Variants in LPL observed in about 807,000 individuals in gnomAD.
LPL encodes lipoprotein lipase.
A neutral mutation model predicts 52.2 loss-of-function variants in LPL; 43 were observed. The ratio of observed to expected loss-of-function variants is 0.82; its 90% CI spans 0.64 to 1.06. LPL has a LOEUF of 1.06. Ranked by LOEUF, LPL falls within the 50% of genes least tolerant of loss-of-function variation. The pLI is 0.00. For missense variants in LPL, 639 were observed against 585.3 expected (o/e 1.09, Z -0.95); for synonymous variants, 244 against 215.6 (o/e 1.13, Z -1.15).
intron 6 of LPL, among the ~76,000 whole-genome samples, chr8:19,956,304 G>C (rs959543173): frequency 2.0e-5 from 3 of 152,170 alleles, no homozygotes; most frequent in African/African-American, 7.2e-5. Context: ...TGTGGGATTT[G>C]CAGCCTTGCT....
At position 19,939,599 on chromosome 8, in the gene LPL, T is replaced by G. The variant is rs2069812863; in HGVS notation, c.88+71T>G. ...TGGCCACTGCCACCCGAACTGAGGA[T>G]GAGAAGAAGGAAGTTGGAAGGGGCG... is the stretch of plus-strand genomic sequence containing the variant. On this transcript the variant is annotated intron_variant, in intron 1 of 9. Transcript: ENST00000650287. This position sits in a 1 kb window ranked among gnomAD's most constrained non-coding sequence, Gnocchi z 4.0. 2.0e-6 allele frequency: 3 copies of G among 1,479,456 alleles called. No homozygotes were observed. Among genetic ancestry groups the G allele is most frequent in the Non-Finnish European group, 2.8e-6 (3 of 1,085,656 alleles). The allele number at this position is 1,479,456 out of a possible 1,614,324, so 91.6% of individuals were successfully genotyped here. A position where few individuals can be genotyped will look rare whatever the true frequency, so the allele number is the denominator to read the frequency against.
Position 19,960,881 on chromosome 8 carries a change from T to G in LPL, c.1140-20T>G. 1 of 1,606,148 alleles carries G rather than the reference T, an allele frequency of 6.2e-7. No individual in the cohort carries two copies. The highest frequency in any genetic ancestry group is 8.5e-7 in the Non-Finnish European group (1 of 1,173,740). On this transcript the variant is annotated intron_variant, in intron 7 of 9. Coordinates refer to ENST00000650287, the MANE Select transcript of LPL (RefSeq NM_000237.3). ...GAGCTGATCTCTATAACTAACCAAA[T>G]TTATTGCTTTTTTGTTTAGGCCTGA...
At chr8:19,952,618 T>G (rs2069945681) in intron 3 of LPL, among the ~76,000 whole-genome samples, 1 of 152,246 alleles carries the variant, frequency 6.6e-6, no homozygotes, top group Non-Finnish European at 1.5e-5. Context: ...AAAAATAAGC[T>G]GTGTTTATTA....
intron 8 of LPL, 110 bp downstream of exon 8, chr8:19,961,193 G>T: frequency 1.6e-6 from 1 of 638,116 alleles, no homozygotes; most frequent in Non-Finnish European, 2.3e-6. Context: ...AGGAAACCTT[G>T]TATTTATTAC....
chr8:19,954,882 C>T (rs756642604), intron 5 of LPL, among the ~76,000 whole-genome samples: 3 of 152,116 alleles, frequency 2.0e-5, no homozygotes, highest in Non-Finnish European at 4.4e-5. Context: ...GGGGTGCAGT[C>T]ACACAATCAC....
chr8:19,959,777 CTTTTTTTTTTTTT>C (rs71205952), intron 7 of LPL, among the ~76,000 whole-genome samples: 3 of 65,098 alleles, frequency 4.6e-5, no homozygotes, highest in African/African-American at 6.6e-5. Context: ...AGTGTTAGCT[CTTTTTTTTTTTTT>C]TTTTTTTTTT....
Position 19,955,810 on chromosome 8 carries a change from G to C in LPL, c.776-31G>C, listed in dbSNP as rs375159940. ...AACACTCTTTGTGAATTTCTGCCGAGATACAATCTTGGTGTCTCTTTTTTA... is the reference window on the plus strand; with the variant it reads ...AACACTCTTTGTGAATTTCTGCCGACATACAATCTTGGTGTCTCTTTTTTA... On this transcript the variant is annotated intron_variant, in intron 5 of 9. Transcript: ENST00000650287. The C allele has an allele frequency of 1.9e-6, 3 of 1,614,040 alleles. No homozygotes were observed. The African/African-American group carries it at 4.0e-5, about 22-fold the overall frequency.
intron 6 of LPL, among the ~76,000 whole-genome samples, chr8:19,958,895 T>C (rs2070012154): frequency 6.6e-6 from 1 of 152,222 alleles, no homozygotes. Flanking sequence ...AGGCACAAGA[T>C]GGCCAAGGAT....
At chr8:19,940,665 C>G (rs1037814324) in intron 1 of LPL, among the ~76,000 whole-genome samples, 1 of 152,226 alleles carries the variant, frequency 6.6e-6, no homozygotes, top group Non-Finnish European at 1.5e-5. Context: ...AGGGCGGTGT[C>G]GCTTGGATGT....
At chr8:19,956,719 A>G (rs1427378556) in intron 6 of LPL, among the ~76,000 whole-genome samples, 1 of 152,210 alleles carries the variant, frequency 6.6e-6, no homozygotes, top group Non-Finnish European at 1.5e-5. Flanking sequence ...GGCTGGTTTC[A>G]TGCCACCATA....
At chr8:19,965,284 G>T (rs776343781) in intron 9 of LPL, 26 bp from the exon 10 acceptor site, 1 of 780,474 alleles carries the variant, frequency 1.3e-6, no homozygotes, top group Non-Finnish European at 2.4e-6. Flanking sequence ...ATAATAAATT[G>T]CCCTTTTTCC....
Position 19,954,297 on chromosome 8 carries a change from A to T in LPL, c.719A>T (p.Gln240Leu). 6.2e-7 allele frequency: 1 copy of T among 1,614,212 alleles called. No homozygotes were observed. The highest frequency in any genetic ancestry group is 1.1e-5 in the South Asian group (1 of 91,080). ...VDIYPNGGTF[Q>L]PGCNIGEAIR... ...ATTTACCCGAATGGAGGTACTTTTC[A>T]GCCAGGATGTAACATTGGAGAAGCT... The change falls in exon 5 of 10, where the codon CAG becomes CTG. Residue 240 changes from glutamine to leucine, a missense_variant. Physicochemically the swap from Gln to Leu is moderately radical, Grantham distance 113. Coordinates refer to ENST00000650287, the MANE Select transcript of LPL (RefSeq NM_000237.3).
intron 8 of LPL, among the ~76,000 whole-genome samples, chr8:19,961,421 C>T (rs898756072): frequency 1.4e-4 from 21 of 152,064 alleles, no homozygotes; most frequent in African/African-American, 5.1e-4. Flanking sequence ...GAACAAACCT[C>T]CGAGATGCTA....
intron 3 of LPL, among the ~76,000 whole-genome samples, chr8:19,952,880 A>C (rs1590142240): frequency 6.6e-6 from 1 of 152,228 alleles, no homozygotes; most frequent in East Asian, 1.9e-4. Context: ...TATACTATAC[A>C]TTCAAACATA....
At chr8:19,942,891 C>T (rs528273345) in intron 1 of LPL, among the ~76,000 whole-genome samples, 6 of 152,134 alleles carry the variant, frequency 3.9e-5, no homozygotes, top group Non-Finnish European at 7.3e-5. Flanking sequence ...TAAGTTCTGC[C>T]GGAAGTGAGC....
In LPL at chr8:19,956,191, G is replaced by A. The variant is rs271; in HGVS notation, c.1018+108G>A. The A allele has an allele frequency of 0.14, 214,688 of 1,489,690 alleles. 16,146 individuals carry two copies. Among genetic ancestry groups the A allele is most frequent in the East Asian group, 0.22 (9,522 of 44,166 alleles). 92.3% of individuals were successfully genotyped at this position (1,489,690 alleles called of 1,614,324 possible). A position where few individuals can be genotyped will look rare whatever the true frequency, so the allele number is the denominator to read the frequency against. ...CATTGGAACAGAGATGATGACTGGT[G>A]TTACTAAACCCTGAGCCCTGGTGTT... On this transcript the variant is annotated intron_variant, in intron 6 of 9. Coordinates refer to ENST00000650287, the MANE Select transcript of LPL (RefSeq NM_000237.3).
intron 3 of LPL, among the ~76,000 whole-genome samples, chr8:19,952,883 C>T (rs2069947568): frequency 6.6e-6 from 1 of 152,100 alleles, no homozygotes; most frequent in Non-Finnish European, 1.5e-5. Context: ...ACTATACATT[C>T]AAACATACAC....
intron 7 of LPL, among the ~76,000 whole-genome samples, chr8:19,960,069 G>A (rs2070024248): frequency 6.6e-6 from 1 of 151,996 alleles, no homozygotes; most frequent in Non-Finnish European, 1.5e-5. Context: ...GATTACAGGT[G>A]TGAGCCACCA....
At chr8:19,954,693 G>A (rs2069968722) in intron 5 of LPL, among the ~76,000 whole-genome samples, 1 of 152,198 alleles carries the variant, frequency 6.6e-6, no homozygotes, top group Admixed American at 6.5e-5. Context: ...TAGCTGCAAA[G>A]CCAATGGAAA....
Sources: allele counts gnomAD v4.1 joint callset (sites outside exome capture counted in the v4.1 genomes callset), GRCh38; gene constraint gnomAD v4.1.1; non-coding constraint Gnocchi (gnomAD v3.1); transcripts MANE v1.5; gene names NCBI Gene and HGNC (gene_info 2026-07-23, HGNC 2026-07-21).